The following ALK variants were observed in gnomAD, a reference collection of about 807,000 sequenced individuals.
ALK encodes the protein ALK tyrosine kinase receptor.
ALK carries 74 observed loss-of-function variants against 163.1 expected under a neutral mutation model. That is an observed-to-expected ratio of 0.45 (90% CI 0.38 to 0.55). The LOEUF is 0.55. ALK is among the 20% of genes least tolerant of loss of function. ALK has a pLI of 0.00. For synonymous variants in ALK, 960 were observed against 843.2 expected, an observed-to-expected ratio of 1.14 and a Z score of -2.40; for missense variants, 2,063 against 2,105.3, an observed-to-expected ratio of 0.98 and a Z score of 0.39.
chr2:29,366,288 C>G (rs1291121665), intron 5 of ALK, among the ~76,000 whole-genome samples: 1 of 152,032 alleles, frequency 6.6e-6, no homozygotes, highest in Non-Finnish European at 1.5e-5. Flanking sequence ...GCAGGAGCAA[C>G]AAGGTGGGTG....
chr2:29,348,905 G>A (rs79948158), intron 5 of ALK, among the ~76,000 whole-genome samples: 8,213 of 152,278 alleles, frequency 0.054, 267 homozygotes, highest in Middle Eastern at 0.13. Flanking sequence ...TGGCTCTGAC[G>A]ACACGCTGTC....
chr2:29,453,103 G>C (rs917982040), intron 4 of ALK, among the ~76,000 whole-genome samples: 3 of 152,226 alleles, frequency 2.0e-5, no homozygotes, highest in African/African-American at 7.2e-5. Flanking sequence ...TTGTATCAAT[G>C]TTGATTTTCT....
At chr2:29,346,059 C>CA (rs1309706906) in intron 5 of ALK, among the ~76,000 whole-genome samples, 1 of 152,026 alleles carries the variant, frequency 6.6e-6, no homozygotes, top group East Asian at 1.9e-4. Flanking sequence ...CTTTTACAAT[C>CA]AAAAAAAGGA....
intron 1 of ALK, among the ~76,000 whole-genome samples, chr2:29,911,866 T>C (rs938883589): frequency 2.0e-5 from 3 of 152,332 alleles, no homozygotes; most frequent in East Asian, 3.9e-4. Context: ...GAAGCTGTTA[T>C]GACCATGTCC....
At chr2:29,505,960 G>T (rs906391900) in intron 4 of ALK, among the ~76,000 whole-genome samples, 2 of 152,110 alleles carry the variant, frequency 1.3e-5, no homozygotes, top group African/African-American at 4.8e-5. Flanking sequence ...GCAATCCCCC[G>T]AAATAATGAG....
intron 1 of ALK, among the ~76,000 whole-genome samples, chr2:29,884,268 G>T (rs1666936151): frequency 6.6e-6 from 1 of 152,180 alleles, no homozygotes. Flanking sequence ...ATCATGTTTA[G>T]TGCAATACTG....
At chr2:29,587,896 A>G (rs1444392974) in intron 3 of ALK, among the ~76,000 whole-genome samples, 1 of 152,212 alleles carries the variant, frequency 6.6e-6, no homozygotes, top group East Asian at 1.9e-4. Context: ...AGAGGTGGGT[A>G]GAGTAGAGCT....
At chr2:29,502,983 G>C (rs1672225345) in intron 4 of ALK, among the ~76,000 whole-genome samples, 2 of 152,084 alleles carry the variant, frequency 1.3e-5, no homozygotes, top group Admixed American at 1.3e-4. Flanking sequence ...GACAGTTCAG[G>C]GTAGATTGTC....
At chr2:29,643,168 T>TG in intron 3 of ALK, among the ~76,000 whole-genome samples, 1 of 151,970 alleles carries the variant, frequency 6.6e-6, no homozygotes. Flanking sequence ...AATGGTTTCT[T>TG]GGGGGTCATG....
At chr2:29,328,771 C>T (rs1667351489) in intron 5 of ALK, among the ~76,000 whole-genome samples, 2 of 152,182 alleles carry the variant, frequency 1.3e-5, no homozygotes, top group Non-Finnish European at 2.9e-5. Context: ...GACATTCCTC[C>T]TCGGGGGTCC....
intron 1 of ALK, among the ~76,000 whole-genome samples, chr2:29,797,460 A>G (rs1664348614): frequency 6.6e-6 from 1 of 152,200 alleles, no homozygotes. Context: ...GATCCAGTTT[A>G]TCAGACACTC....
intron 1 of ALK, among the ~76,000 whole-genome samples, chr2:29,809,547 AGTTTG>A (rs1437615351): frequency 2.6e-5 from 4 of 152,066 alleles, no homozygotes; most frequent in African/African-American, 4.8e-5. Flanking sequence ...TCCGTGAGGG[AGTTTG>A]GTTTAAGGAT....
At chr2:29,672,432 T>G (rs1677730237) in intron 3 of ALK, among the ~76,000 whole-genome samples, 1 of 150,036 alleles carries the variant, frequency 6.7e-6, no homozygotes. Context: ...CGGTGTTTGG[T>G]TTTTTGTTCT....
chr2:29,759,340 C>G (rs1680634569), intron 1 of ALK, among the ~76,000 whole-genome samples: 2 of 152,124 alleles, frequency 1.3e-5, no homozygotes, highest in Admixed American at 1.3e-4. Flanking sequence ...ATAAAACAGT[C>G]AAGCAATACC....
intron 1 of ALK, among the ~76,000 whole-genome samples, chr2:29,762,282 C>T (rs957865185): frequency 1.3e-5 from 2 of 152,322 alleles, no homozygotes; most frequent in African/African-American, 4.8e-5. Flanking sequence ...TGAAGCCTGT[C>T]AGAAGCAGGC....
At chr2:29,445,963 G>C (rs867211888) in intron 4 of ALK, among the ~76,000 whole-genome samples, 4 of 149,734 alleles carry the variant, frequency 2.7e-5, no homozygotes, top group Non-Finnish European at 6.0e-5. Flanking sequence ...GCCGGGCGTA[G>C]TGGCGGGCGC....
chr2:29,329,919 C>T (rs1010335415), intron 5 of ALK, among the ~76,000 whole-genome samples: 5 of 152,178 alleles, frequency 3.3e-5, no homozygotes, highest in African/African-American at 9.7e-5. Flanking sequence ...TTATCTCAGG[C>T]CCCACACCTG....
intron 9 of ALK, among the ~76,000 whole-genome samples, chr2:29,296,259 G>A (rs890434319): frequency 6.6e-6 from 1 of 152,224 alleles, no homozygotes; most frequent in Admixed American, 6.5e-5. Context: ...ACAAGTAGAA[G>A]CATTCCTCTG....
intron 5 of ALK, among the ~76,000 whole-genome samples, chr2:29,374,488 A>G (rs1668708230): frequency 6.6e-6 from 1 of 152,196 alleles, no homozygotes; most frequent in South Asian, 2.1e-4. Context: ...AAAAAAAGAC[A>G]GTCTTTGATT....
Sources: gnomAD v4.1 joint callset for allele counts (sites outside exome capture counted in the v4.1 genomes callset) on GRCh38, gnomAD v4.1.1 for gene constraint, MANE v1.5 for transcripts, NCBI Gene and HGNC (gene_info 2026-07-23, HGNC 2026-07-21) for gene names.